ESRP1: variants seen among roughly 807,000 people sequenced by gnomAD.
ESRP1 encodes epithelial splicing regulatory protein 1.
Under a neutral mutation model 81.7 loss-of-function variants are expected in ESRP1, and 33 were observed. That is an observed-to-expected ratio of 0.40 (90% CI 0.31 to 0.54). ESRP1 has a LOEUF of 0.54. ESRP1 is among the 20% of genes least tolerant of loss of function. ESRP1 has a pLI of 0.41. For synonymous variants in ESRP1, 320 were observed against 303.3 expected (o/e 1.06, Z -0.57); for missense variants, 672 against 833.1 (o/e 0.81, Z 2.38).
chr8:94,673,703 C>T (rs142791875), intron 11 of ESRP1, among the ~76,000 whole-genome samples: 1 of 152,264 alleles, frequency 6.6e-6, no homozygotes, highest in Admixed American at 6.5e-5. Context: ...GAGAGAAGGG[C>T]TCCCAAGCAA....
rs1336117010 is a variant in ESRP1, at chr8:94,707,243, GC to G, written c.*1357del. The G allele has an allele frequency of 3.9e-5, 6 of 151,984 alleles. No individual in the cohort carries two copies. The highest frequency in any genetic ancestry group is 1.5e-4 in the African/African-American group (6 of 41,374). The allele number at this position is 151,984 out of a possible 1,614,324, so 9.4% of individuals were successfully genotyped here. ...TTCCTTCTTCAGCTGACTGGCAATG[GC>G]CCTTTAACTGCAATAGGAAGAAAAA... On this transcript the variant is annotated 3_prime_UTR_variant, in exon 16 of 16. Coordinates refer to ENST00000433389, the MANE Select transcript of ESRP1 (RefSeq NM_017697.4).
At chr8:94,686,363 C>A (rs906928639) in intron 13 of ESRP1, among the ~76,000 whole-genome samples, 2 of 152,164 alleles carry the variant, frequency 1.3e-5, no homozygotes, top group East Asian at 1.9e-4. Context: ...ACTGAAGGAG[C>A]CTTGGCTGTG....
chr8:94,647,162 C>T lies in ESRP1; in HGVS notation c.490+880C>T, dbSNP rs572314432. Among the ~76,000 whole-genome samples the T allele has an allele frequency of 3.4e-4, 52 of 152,178 alleles. 2 individuals carry two copies. In the South Asian group the frequency reaches 4.8e-3, roughly 14 times the overall value. On this transcript the variant is annotated intron_variant, in intron 4 of 15. Transcript: ENST00000433389. Reference sequence around the variant, plus strand: ...TTTTTTTTCCTGATTGAAGTTTGCTCGCATATATTTCATAACTACTTGTAA... The same window carrying T: ...TTTTTTTTCCTGATTGAAGTTTGCTTGCATATATTTCATAACTACTTGTAA...
chr8:94,674,108 T>C (rs2130648601), intron 11 of ESRP1, among the ~76,000 whole-genome samples, 200 bp from the exon 12 acceptor site: 1 of 152,310 alleles, frequency 6.6e-6, no homozygotes, highest in East Asian at 1.9e-4. Flanking sequence ...CAAAACTGTT[T>C]CTTAAAGGTT....
At chr8:94,648,412 C>T (rs1817946709) in intron 4 of ESRP1, among the ~76,000 whole-genome samples, 1 of 152,178 alleles carries the variant, frequency 6.6e-6, no homozygotes, top group Non-Finnish European at 1.5e-5. Context: ...GACTACTATT[C>T]AGAGGAATAC....
At chr8:94,657,372 G>C (rs1304561274) in intron 4 of ESRP1, among the ~76,000 whole-genome samples, 1 of 152,154 alleles carries the variant, frequency 6.6e-6, no homozygotes, top group East Asian at 1.9e-4. Flanking sequence ...ATAAGGGAAA[G>C]AATTGCTACT....
intron 13 of ESRP1, among the ~76,000 whole-genome samples, chr8:94,690,141 G>A (rs1006877359): frequency 6.8e-6 from 1 of 147,368 alleles, no homozygotes; most frequent in Non-Finnish European, 1.5e-5. Context: ...TTTTTTGTTT[G>A]TTTGTTTTTT....
At chr8:94,644,479 A>G (rs942158269) in intron 3 of ESRP1, among the ~76,000 whole-genome samples, 3 of 152,212 alleles carry the variant, frequency 2.0e-5, no homozygotes, top group Admixed American at 6.5e-5. Flanking sequence ...CATTCCTTTT[A>G]TACGAGTCTT....
chr8:94,671,784 CTT>C (rs1469150781), intron 11 of ESRP1, 113 bp downstream of exon 11: 8 of 636,222 alleles, frequency 1.3e-5, no homozygotes, highest in Non-Finnish European at 2.0e-5. Context: ...AGATATTAGT[CTT>C]TGATAAATAA....
At chr8:94,654,105 GGT>G (rs1818283712) in intron 4 of ESRP1, among the ~76,000 whole-genome samples, 1 of 152,156 alleles carries the variant, frequency 6.6e-6, no homozygotes, top group South Asian at 2.1e-4. Context: ...GATAATGTGA[GGT>G]CAGGAGTTTG....
chr8:94,653,587 T>C (rs1818256066), intron 4 of ESRP1, among the ~76,000 whole-genome samples: 1 of 152,160 alleles, frequency 6.6e-6, no homozygotes, highest in Non-Finnish European at 1.5e-5. Context: ...ATGTAAACCA[T>C]TTTACACATA....
At chr8:94,694,156 G>A (rs1364875647) in intron 14 of ESRP1, among the ~76,000 whole-genome samples, 2 of 152,176 alleles carry the variant, frequency 1.3e-5, no homozygotes, top group African/African-American at 4.8e-5. Flanking sequence ...TGTTTTCCAA[G>A]TGAAGAAAGT....
At chr8:94,657,088 T>C (rs1039732633) in intron 4 of ESRP1, among the ~76,000 whole-genome samples, 3 of 152,246 alleles carry the variant, frequency 2.0e-5, no homozygotes, top group Non-Finnish European at 4.4e-5. Context: ...CAAGTCTCTC[T>C]AGACTCCTCT....
At chr8:94,674,530 G>A (rs376055159) in intron 12 of ESRP1, 24 bp downstream of exon 12, 65 of 1,596,380 alleles carry the variant, frequency 4.1e-5, no homozygotes, top group Non-Finnish European at 5.2e-5. Context: ...GGGTCTTGGC[G>A]CTATTCTACG....
chr8:94,641,471 C>T, intron 1 of ESRP1, 21 bp downstream of exon 1: 1 of 1,613,660 alleles, frequency 6.2e-7, no homozygotes, highest in Non-Finnish European at 8.5e-7. Context: ...ACATTTTCGT[C>T]TAAATGCAAG....
rs11785 is a variant in ESRP1, at chr8:94,706,086, T to C, written c.*197T>C. 512,294 of 807,942 alleles carry C rather than the reference T, an allele frequency of 0.63. 166,658 individuals carry two copies. Among genetic ancestry groups the C allele is most frequent in the African/African-American group, 0.93 (53,305 of 57,262 alleles). 50.0% of individuals were successfully genotyped at this position (807,942 alleles called of 1,614,324 possible). On this transcript the variant is annotated 3_prime_UTR_variant, in exon 16 of 16. Coordinates refer to ENST00000433389, the MANE Select transcript of ESRP1 (RefSeq NM_017697.4). ...TTTGGTGGAGTGAAAAAATTTGAGC[T>C]AGTGAAGCCAAATCGTAACTTACAG...
In ESRP1 at chr8:94,674,348, C is replaced by A. The variant is rs759634212; in HGVS notation, c.1493C>A (p.Ala498Glu). The change falls in exon 12 of 16, where the codon GCG becomes GAG. Residue 498 changes from alanine to glutamate, a missense_variant. Ala to Glu is a moderately radical substitution (Grantham distance 107). Transcript: ENST00000433389. ...GATGCCTTTATCCAGATGAAGTCTG[C>A]GGACAGAGCATTTATGGCTGCACAG... ...SGDAFIQMKS[A>E]DRAFMAAQKC... 1 of 1,613,860 alleles carries A rather than the reference C, an allele frequency of 6.2e-7. No homozygotes were observed. The highest frequency in any genetic ancestry group is 2.2e-5 in the East Asian group (1 of 44,872).
At chr8:94,647,209 T>C (rs543973222) in intron 4 of ESRP1, among the ~76,000 whole-genome samples, 1 of 152,210 alleles carries the variant, frequency 6.6e-6, no homozygotes, top group African/African-American at 2.4e-5. Flanking sequence ...CCGTTTTCAT[T>C]TGCCTTCTTC....
intron 13 of ESRP1, among the ~76,000 whole-genome samples, chr8:94,684,417 G>A (rs917513155): frequency 1.3e-5 from 2 of 152,046 alleles, no homozygotes; most frequent in African/African-American, 2.4e-5. Flanking sequence ...GAAGAATCTC[G>A]AAAAGTTAAC....
Sources: allele counts gnomAD v4.1 joint callset (sites outside exome capture counted in the v4.1 genomes callset), GRCh38; gene constraint gnomAD v4.1.1; transcripts MANE v1.5; gene names NCBI Gene and HGNC (gene_info 2026-07-23, HGNC 2026-07-21).